Variants in DST observed in about 807,000 individuals in gnomAD.
DST encodes bullous pemphigoid antigen.
In DST, 253 loss-of-function variants were observed where a neutral mutation model predicts 875.2. The ratio of observed to expected loss-of-function variants is 0.29; its 90% CI spans 0.26 to 0.32. DST has a LOEUF of 0.32. Ranked by LOEUF, DST falls within the 10% of genes least tolerant of loss-of-function variation. The pLI, the probability that DST is intolerant of heterozygous loss-of-function variation, is 1.00. For synonymous variants in DST, 3,124 were observed against 3,197.1 expected, an observed-to-expected ratio of 0.98 and a Z score of 0.77; for missense variants, 8,287 against 9,111.6, an observed-to-expected ratio of 0.91 and a Z score of 3.68.
intron 4 of DST, among the ~76,000 whole-genome samples, chr6:56,743,690 T>C (rs892326335): frequency 2.0e-5 from 3 of 152,140 alleles, no homozygotes; most frequent in Non-Finnish European, 4.4e-5. Context: ...ATCAGTGAGA[T>C]AACTTTCATT....
At chr6:56,715,153 C>A (rs1172519314) in intron 5 of DST, among the ~76,000 whole-genome samples, 1 of 152,128 alleles carries the variant, frequency 6.6e-6, no homozygotes, top group East Asian at 1.9e-4. Flanking sequence ...TGAATGCCTG[C>A]CGGATCACAG....
chr6:56,480,035 T>TA (rs968074474), intron 90 of DST, among the ~76,000 whole-genome samples: 1 of 152,216 alleles, frequency 6.6e-6, no homozygotes, highest in Non-Finnish European at 1.5e-5. Context: ...TTTGCTATGT[T>TA]AGACTGTTCG....
intron 13 of DST, among the ~76,000 whole-genome samples, chr6:56,648,205 C>T (rs1486326010): frequency 2.0e-5 from 3 of 151,992 alleles, no homozygotes; most frequent in Admixed American, 6.6e-5. Flanking sequence ...GGCACACCCC[C>T]AATCCAGTGC....
intron 30 of DST, 46 bp downstream of exon 30, chr6:56,631,165 G>A: frequency 1.0e-6 from 1 of 968,920 alleles, no homozygotes; most frequent in East Asian, 2.9e-5. Context: ...AAATAAAAAT[G>A]AGAGTTGTAT....
At chr6:56,631,474 C>T in intron 29 of DST, 85 bp from the exon 30 acceptor site, 1 of 1,080,730 alleles carries the variant, frequency 9.3e-7, no homozygotes, top group Non-Finnish European at 1.4e-6. Context: ...ACACACATTT[C>T]ACATTAAGAA....
At chr6:56,948,573 T>G (rs373130998) in intron 2 of DST, among the ~76,000 whole-genome samples, 43 of 152,234 alleles carry the variant, frequency 2.8e-4, no homozygotes, top group African/African-American at 1.0e-3. Context: ...AATTTTCCAC[T>G]CAATATTTTC....
intron 2 of DST, among the ~76,000 whole-genome samples, chr6:56,909,564 C>G (rs946903125): frequency 3.3e-5 from 5 of 152,166 alleles, no homozygotes; most frequent in Admixed American, 1.3e-4. Context: ...TTTGTTTGAG[C>G]CAATGAGTAT....
intron 81 of DST, 134 bp from the exon 82 acceptor site, chr6:56,497,641 C>T (rs2095965459): frequency 1.7e-6 from 2 of 1,174,822 alleles, no homozygotes; most frequent in East Asian, 2.6e-5. Flanking sequence ...TTAGATTTGC[C>T]TTTCTTCATC....
At chr6:56,627,612 C>CA (rs1441703860) in intron 33 of DST, among the ~76,000 whole-genome samples, 4 of 152,158 alleles carry the variant, frequency 2.6e-5, no homozygotes, top group Admixed American at 1.3e-4. Flanking sequence ...ACAAAAATCT[C>CA]AAAGCATTCA....
rs1812767671 is a variant in DST, at chr6:56,935,881, C to T, written c.216+17904G>A. 2.6e-5 allele frequency among the ~76,000 whole-genome samples: 4 copies of T among 152,192 alleles called. No individual in the cohort carries two copies. The South Asian group carries it at 8.3e-4, about 32-fold the overall frequency. On this transcript the variant is annotated intron_variant, in intron 2 of 103. Coordinates refer to ENST00000680361, the MANE Select transcript of DST (RefSeq NM_001374736.1). ...CAGAGGTTGCAGTGAGCCGAGATCA[C>T]ACCACTGCACTCCAGCCTGGTGACA...
intron 5 of DST, among the ~76,000 whole-genome samples, chr6:56,704,588 T>C (rs1399215721): frequency 6.6e-6 from 1 of 152,180 alleles, no homozygotes; most frequent in Non-Finnish European, 1.5e-5. Flanking sequence ...CAATTCAAAT[T>C]ATTACATTTT....
intron 50 of DST, among the ~76,000 whole-genome samples, chr6:56,576,313 T>C (rs148198129): frequency 6.6e-6 from 1 of 152,296 alleles, no homozygotes; most frequent in African/African-American, 2.4e-5. Context: ...GTAAAGTCTT[T>C]CTCTGAGTTC....
chr6:56,505,130 T>C (rs1052583776), intron 77 of DST, among the ~76,000 whole-genome samples: 4 of 152,184 alleles, frequency 2.6e-5, no homozygotes, highest in Non-Finnish European at 2.9e-5. Context: ...TACTTTACAA[T>C]CAAATCTTGA....
intron 2 of DST, among the ~76,000 whole-genome samples, chr6:56,905,114 G>A (rs1223721125): frequency 6.6e-6 from 1 of 152,244 alleles, no homozygotes; most frequent in South Asian, 2.1e-4. Context: ...CAACCATTAG[G>A]TGATGGACAC....
chr6:56,878,077 C>T (rs1302518324), intron 3 of DST, among the ~76,000 whole-genome samples: 1 of 152,166 alleles, frequency 6.6e-6, no homozygotes, highest in African/African-American at 2.4e-5. Context: ...GTACGCAATG[C>T]CCTGTGCTAA....
intron 61 of DST, among the ~76,000 whole-genome samples, chr6:56,539,201 A>G (rs1297513038): frequency 2.0e-5 from 3 of 152,158 alleles, no homozygotes; most frequent in Non-Finnish European, 4.4e-5. Context: ...AGGGGTTTAT[A>G]TTGGAGTAGA....
At chr6:56,609,840 G>A (rs186723544) in intron 39 of DST, among the ~76,000 whole-genome samples, 10 of 152,286 alleles carry the variant, frequency 6.6e-5, no homozygotes, top group Admixed American at 5.9e-4. Context: ...GACAAATTAT[G>A]TGGAAAGTAT....
At chr6:56,716,497 C>T (rs2099395007) in intron 5 of DST, among the ~76,000 whole-genome samples, 1 of 152,104 alleles carries the variant, frequency 6.6e-6, no homozygotes, top group Non-Finnish European at 1.5e-5. Flanking sequence ...TGTATGATAC[C>T]AAAAGCATAC....
At chr6:56,753,423 T>C (rs1034786386) in intron 4 of DST, among the ~76,000 whole-genome samples, 6 of 152,314 alleles carry the variant, frequency 3.9e-5, no homozygotes, top group South Asian at 4.1e-4. Flanking sequence ...ACTAACTCTA[T>C]TGGCTAAAGC....
Sources: gnomAD v4.1 joint callset for allele counts (sites outside exome capture counted in the v4.1 genomes callset) on GRCh38, gnomAD v4.1.1 for gene constraint, MANE v1.5 for transcripts, NCBI Gene and HGNC (gene_info 2026-07-23, HGNC 2026-07-21) for gene names.